The following NUBPL variants were observed in gnomAD, a reference collection of about 807,000 sequenced individuals.
NUBPL encodes the protein iron-sulfur cluster transfer protein NUBPL.
In NUBPL, 31 loss-of-function variants were observed where a neutral mutation model predicts 45.7. The observed-to-expected ratio is 0.68, with a 90% CI of 0.51 to 0.92. The LOEUF (loss-of-function observed/expected upper bound fraction) is 0.92. Ranked by LOEUF, NUBPL falls within the 40% of genes least tolerant of loss-of-function variation. The pLI, the probability that NUBPL is intolerant of heterozygous loss-of-function variation, is 0.00. For missense variants in NUBPL, 401 were observed against 398.7 expected, an observed-to-expected ratio of 1.01 and a Z score of -0.05; for synonymous variants, 144 against 140.9, an observed-to-expected ratio of 1.02 and a Z score of -0.15.
At chr14:31,798,807 A>G (rs1290395263) in intron 7 of NUBPL, among the ~76,000 whole-genome samples, 1 of 149,932 alleles carries the variant, frequency 6.7e-6, no homozygotes, top group East Asian at 1.9e-4. Flanking sequence ...AAAAAAAAAA[A>G]AAAAAAAAAA....
At chr14:31,789,671 C>T (rs540338747) in intron 7 of NUBPL, among the ~76,000 whole-genome samples, 1 of 152,144 alleles carries the variant, frequency 6.6e-6, no homozygotes, top group South Asian at 2.1e-4. Flanking sequence ...GATTACCAAA[C>T]AATATCATTG....
intron 4 of NUBPL, among the ~76,000 whole-genome samples, chr14:31,649,462 A>G (rs1446359753): frequency 6.6e-6 from 1 of 152,264 alleles, no homozygotes; most frequent in Admixed American, 6.5e-5. Context: ...ATAAAATGTG[A>G]AAGTAATTGT....
Position 31,765,634 on chromosome 14 carries a change from G to GTT in NUBPL, c.514-22134_514-22133dup, listed in dbSNP as rs55773928. On this transcript the variant is annotated intron_variant, in intron 6 of 10. Transcript: ENST00000281081. ...AATACTTAATTCATAAAAGCAACAG[G>GTT]TTTTTTTTTTTTTGCCTTAAAACAT... Among the ~76,000 whole-genome samples, 117 of 149,406 alleles carry GTT rather than the reference G, an allele frequency of 7.8e-4. No homozygotes were observed. The Middle Eastern group carries it at 0.014, about 18-fold the overall frequency.
rs1211411877 is a variant in NUBPL, at chr14:31,669,797, G to GT, written c.383-3547dup. 3.7e-3 allele frequency among the ~76,000 whole-genome samples: 257 copies of GT among 68,610 alleles called. 27 individuals are homozygous for GT. The highest frequency in any genetic ancestry group is 0.014 in the African/African-American group (235 of 17,058). The allele number at this position is 68,610 out of a possible 152,430, so 45.0% of individuals were successfully genotyped here. A position where few individuals can be genotyped will look rare whatever the true frequency, so the allele number is the denominator to read the frequency against. On this transcript the variant is annotated intron_variant, in intron 4 of 10. Coordinates refer to ENST00000281081, the MANE Select transcript of NUBPL (RefSeq NM_025152.3). ...TCTTCCTGCAAAAGACATGATCTTG[G>GT]TTTTTTTTTTTGTTTTTTTTTTTTT...
intron 3 of NUBPL, among the ~76,000 whole-genome samples, chr14:31,577,365 G>A (rs1454793514): frequency 6.6e-6 from 1 of 152,124 alleles, no homozygotes; most frequent in East Asian, 1.9e-4. Flanking sequence ...TTGATTGTAG[G>A]GTAGTTCTTA....
At chr14:31,806,180 A>G (rs2039681604) in intron 7 of NUBPL, among the ~76,000 whole-genome samples, 1 of 152,250 alleles carries the variant, frequency 6.6e-6, no homozygotes, top group Admixed American at 6.5e-5. Context: ...GTATGACAGT[A>G]TTTGGAAATA....
At chr14:31,674,589 C>T (rs1414116245) in intron 6 of NUBPL, among the ~76,000 whole-genome samples, 2 of 152,080 alleles carry the variant, frequency 1.3e-5, no homozygotes, top group Non-Finnish European at 2.9e-5. Context: ...GTGACCTTGA[C>T]CTTTATTTGT....
At chr14:31,838,292 A>AG (rs1484113862) in intron 8 of NUBPL, among the ~76,000 whole-genome samples, 3 of 143,708 alleles carry the variant, frequency 2.1e-5, no homozygotes, top group African/African-American at 7.4e-5. Context: ...AAAAAAAAAA[A>AG]AAAAAAAGAG....
chr14:31,689,920 C>A (rs1387221734), intron 6 of NUBPL, among the ~76,000 whole-genome samples: 2 of 68,992 alleles, frequency 2.9e-5, no homozygotes, highest in African/African-American at 1.2e-4. Flanking sequence ...AATAGGGAGT[C>A]CTTTCCCCAT....
intron 6 of NUBPL, among the ~76,000 whole-genome samples, chr14:31,718,198 G>A (rs924683908): frequency 5.9e-5 from 9 of 152,260 alleles, no homozygotes; most frequent in Admixed American, 1.3e-4. Flanking sequence ...CCTAGTCCCA[G>A]ATCTGCTGCT....
chr14:31,667,227 T>C (rs1447400060), intron 4 of NUBPL, among the ~76,000 whole-genome samples: 1 of 152,146 alleles, frequency 6.6e-6, no homozygotes, highest in Non-Finnish European at 1.5e-5. Context: ...GTCCCATATT[T>C]CTTGGAGGCT....
At position 31,565,109 on chromosome 14, in the gene NUBPL, G is replaced by A. The variant is rs150870573; in HGVS notation, c.291+61G>A. The A allele has an allele frequency of 4.1e-4, 397 of 968,402 alleles. No individual in the cohort carries two copies. In the African/African-American group the frequency reaches 5.6e-3, roughly 14 times the overall value. 60.0% of individuals were successfully genotyped at this position (968,402 alleles called of 1,614,324 possible). A position where few individuals can be genotyped will look rare whatever the true frequency, so the allele number is the denominator to read the frequency against. On this transcript the variant is annotated intron_variant, in intron 3 of 10. Transcript: ENST00000281081. ...AATGTTTTTAAGGCAATGATAAAGA[G>A]CATATTGGTGTTTTTTATTTACTCT...
chr14:31,828,941 G>A (rs1039894572), intron 8 of NUBPL, among the ~76,000 whole-genome samples: 15 of 152,206 alleles, frequency 9.9e-5, no homozygotes, highest in African/African-American at 2.9e-4. Context: ...AAGGATAGAC[G>A]TTAAGGATAT....
In NUBPL at chr14:31,732,079, A is replaced by C. The variant is rs575753243; in HGVS notation, c.514-55701A>C. 4.6e-5 allele frequency among the ~76,000 whole-genome samples: 7 copies of C among 151,492 alleles called. 1 individual carries two copies. The highest frequency in any genetic ancestry group is 4.6e-4 in the Admixed American group (7 of 15,164). On this transcript the variant is annotated intron_variant, in intron 6 of 10. Transcript: ENST00000281081. ...CCGGGCATGGTGTGCCTGTAATCGC[A>C]GCTACTTGGGAGGCTGAGGCAGGAG...
chr14:31,680,659 A>G (rs898091271), intron 6 of NUBPL, among the ~76,000 whole-genome samples: 3 of 152,110 alleles, frequency 2.0e-5, no homozygotes, highest in African/African-American at 7.2e-5. Context: ...AAAATCCATG[A>G]AGGCTCAAGT....
chr14:31,562,034 TA>T, intron 1 of NUBPL, 33 bp from the exon 2 acceptor site: 2 of 1,549,142 alleles, frequency 1.3e-6, no homozygotes, highest in Middle Eastern at 1.8e-4. Context: ...ATGGCTTATT[TA>T]AAACGGCTTT....
At position 31,859,231 on chromosome 14, in the gene NUBPL, T is replaced by C; in HGVS notation, c.*51T>C. On this transcript the variant is annotated 3_prime_UTR_variant, in exon 11 of 11. Transcript: ENST00000281081. Reference sequence around the variant, plus strand: ...CTGGTACTGACATTAAGAGGACCTTTGGAAATCAGCAATGTGGTGATGGAA... The same window carrying C: ...CTGGTACTGACATTAAGAGGACCTTCGGAAATCAGCAATGTGGTGATGGAA... The C allele has an allele frequency of 7.2e-7, 1 of 1,393,644 alleles. No individual in the cohort carries two copies. The highest frequency in any genetic ancestry group is 1.0e-6 in the Non-Finnish European group (1 of 979,544). 86.3% of individuals were successfully genotyped at this position (1,393,644 alleles called of 1,614,324 possible). A position where few individuals can be genotyped will look rare whatever the true frequency, so the allele number is the denominator to read the frequency against.
chr14:31,804,588 C>T (rs1300838611), intron 7 of NUBPL, among the ~76,000 whole-genome samples: 1 of 152,082 alleles, frequency 6.6e-6, no homozygotes, highest in Non-Finnish European at 1.5e-5. Context: ...AAAACAGGCA[C>T]ATAGACCAAT....
intron 6 of NUBPL, among the ~76,000 whole-genome samples, chr14:31,751,092 A>C (rs115069479): frequency 1.3e-5 from 2 of 152,064 alleles, no homozygotes; most frequent in Non-Finnish European, 2.9e-5. Flanking sequence ...TGATTTGATC[A>C]CCTCCCACCA....
Sources: gnomAD v4.1 joint callset for allele counts (sites outside exome capture counted in the v4.1 genomes callset) on GRCh38, gnomAD v4.1.1 for gene constraint, MANE v1.5 for transcripts, NCBI Gene and HGNC (gene_info 2026-07-23, HGNC 2026-07-21) for gene names.